Variants in ESRRB observed in about 807,000 individuals in gnomAD.
The protein encoded by ESRRB is estrogen related receptor beta.
In ESRRB, 16 loss-of-function variants were observed where a neutral mutation model predicts 46.0. That is an observed-to-expected ratio of 0.35 (90% CI 0.24 to 0.53). The LOEUF is 0.53. Ranked by LOEUF, ESRRB falls within the 20% of genes least tolerant of loss-of-function variation. ESRRB has a pLI of 0.93. For missense variants in ESRRB, 488 were observed against 607.4 expected, an observed-to-expected ratio of 0.80 and a Z score of 2.07; for synonymous variants, 246 against 259.6, an observed-to-expected ratio of 0.95 and a Z score of 0.50.
chr14:76,374,750 G>A (rs1199577217), upstream of ESRRB, among the ~76,000 whole-genome samples: 5 of 152,130 alleles, frequency 3.3e-5, no homozygotes, highest in Non-Finnish European at 5.9e-5. Flanking sequence ...GGGGGCTACT[G>A]ACAGAGGAGA....
chr14:76,370,850 A>G (rs1281388035), upstream of ESRRB, among the ~76,000 whole-genome samples: 1 of 152,246 alleles, frequency 6.6e-6, no homozygotes, highest in Non-Finnish European at 1.5e-5. Flanking sequence ...TAGGGCCTAC[A>G]GGAAGAAAGA....
intron 1 of ESRRB, among the ~76,000 whole-genome samples, chr14:76,434,382 G>A (rs1399052415): frequency 6.6e-6 from 1 of 152,158 alleles, no homozygotes; most frequent in South Asian, 2.1e-4. Context: ...GCTGGGGGTG[G>A]TGGCCCATCC....
intron 1 of ESRRB, among the ~76,000 whole-genome samples, chr14:76,357,128 A>G (rs1425639217): frequency 7.1e-6 from 1 of 141,556 alleles, no homozygotes; most frequent in Non-Finnish European, 1.6e-5. Flanking sequence ...ATCTACTAGC[A>G]TCCACCACTC....
upstream of ESRRB, among the ~76,000 whole-genome samples, chr14:76,374,486 G>A (rs1884697887): frequency 6.6e-6 from 1 of 152,128 alleles, no homozygotes; most frequent in Admixed American, 6.5e-5. Flanking sequence ...CTTCCTTGGA[G>A]GCCAAGGACT....
intron 3 of ESRRB, among the ~76,000 whole-genome samples, chr14:76,480,250 T>C (rs770746167): frequency 2.0e-5 from 3 of 152,144 alleles, no homozygotes; most frequent in Non-Finnish European, 4.4e-5. Context: ...CAGGTACAAA[T>C]ACACCAGGTT....
intron 2 of ESRRB, among the ~76,000 whole-genome samples, chr14:76,461,164 C>T (rs764400552): frequency 3.9e-5 from 6 of 152,254 alleles, no homozygotes; most frequent in Non-Finnish European, 7.3e-5. Context: ...CCTGACTGGA[C>T]TGTCAACCCT....
At chr14:76,322,385 T>G (rs73314670) in intron 1 of ESRRB, among the ~76,000 whole-genome samples, 18,799 of 152,242 alleles carry the variant, frequency 0.12, 1,317 homozygotes, top group African/African-American at 0.19. Context: ...AGGTTTAGAC[T>G]TTCAAAGTGG....
intron 1 of ESRRB, among the ~76,000 whole-genome samples, chr14:76,316,777 A>G (rs373556678): frequency 2.8e-4 from 43 of 152,182 alleles, no homozygotes; most frequent in African/African-American, 1.0e-3. Flanking sequence ...GTCTTTTATC[A>G]TATGTGCACA....
chr14:76,411,080 G>C (rs1886418785), intron 1 of ESRRB, among the ~76,000 whole-genome samples: 1 of 151,756 alleles, frequency 6.6e-6, no homozygotes, highest in South Asian at 2.1e-4. Flanking sequence ...CACCGCGCCT[G>C]GCCCATTCAT....
intron 1 of ESRRB, among the ~76,000 whole-genome samples, chr14:76,319,345 G>C (rs1883840333): frequency 6.6e-6 from 1 of 152,120 alleles, no homozygotes; most frequent in South Asian, 2.1e-4. Flanking sequence ...GCCTCTGAGG[G>C]GTGCCATTTG....
chr14:76,406,623 T>C (rs1886197711), intron 1 of ESRRB, among the ~76,000 whole-genome samples: 1 of 152,114 alleles, frequency 6.6e-6, no homozygotes, highest in Admixed American at 6.6e-5. Context: ...CAGGCACCTG[T>C]AATCCCAGCT....
chr14:76,472,612 C>T (rs1889417332), intron 3 of ESRRB, among the ~76,000 whole-genome samples: 1 of 152,234 alleles, frequency 6.6e-6, no homozygotes, highest in Admixed American at 6.5e-5. Flanking sequence ...CACCCAGAAA[C>T]CCGCACAGGA....
chr14:76,435,780 G>A (rs1445639156), intron 1 of ESRRB, among the ~76,000 whole-genome samples: 2 of 152,290 alleles, frequency 1.3e-5, no homozygotes, highest in African/African-American at 4.8e-5. Flanking sequence ...GCAGTGAGCC[G>A]AGATCACGCC....
chr14:76,439,022 C>T (rs1887794687), intron 1 of ESRRB, among the ~76,000 whole-genome samples: 1 of 151,624 alleles, frequency 6.6e-6, no homozygotes, highest in Admixed American at 6.6e-5. Flanking sequence ...TGGTCTCAAA[C>T]TCCTGGCTTC....
chr14:76,336,940 G>A (rs1251565974), intron 1 of ESRRB, among the ~76,000 whole-genome samples: 3 of 152,076 alleles, frequency 2.0e-5, no homozygotes, highest in African/African-American at 7.2e-5. Flanking sequence ...AACTAGTAAA[G>A]GAAGGAAGCC....
intron 1 of ESRRB, among the ~76,000 whole-genome samples, chr14:76,437,935 G>C (rs1887745212): frequency 6.6e-6 from 1 of 152,154 alleles, no homozygotes; most frequent in Non-Finnish European, 1.5e-5. Flanking sequence ...ATCCCACACA[G>C]TGATCTTGCC....
chr14:76,399,140 G>A (rs947536121), intron 1 of ESRRB, among the ~76,000 whole-genome samples: 7 of 152,108 alleles, frequency 4.6e-5, no homozygotes, highest in South Asian at 2.1e-4. Context: ...GGGAGGGAAG[G>A]TTCCTGTGGC....
chr14:76,381,413 G>A (rs1028617041), intron 1 of ESRRB, among the ~76,000 whole-genome samples: 4 of 152,228 alleles, frequency 2.6e-5, no homozygotes, highest in Non-Finnish European at 4.4e-5. Flanking sequence ...GACACCTTCC[G>A]TGGAGGGGTT....
chr14:76,360,192 G>A (rs944671169), intron 1 of ESRRB, among the ~76,000 whole-genome samples: 3 of 152,110 alleles, frequency 2.0e-5, no homozygotes, highest in Non-Finnish European at 4.4e-5. Context: ...CCAGTGCACT[G>A]TCACATTGCT....
Sources: gnomAD v4.1 joint callset for allele counts (sites outside exome capture counted in the v4.1 genomes callset) on GRCh38, gnomAD v4.1.1 for gene constraint, MANE v1.5 for transcripts, NCBI Gene and HGNC (gene_info 2026-07-23, HGNC 2026-07-21) for gene names.